The following CSGALNACT1 variants were observed in gnomAD, a reference collection of about 807,000 sequenced individuals.
The protein encoded by CSGALNACT1 is beta4GalNAcT-1.
Under a neutral mutation model 51.0 loss-of-function variants are expected in CSGALNACT1, and 52 were observed. That is an observed-to-expected ratio of 1.02 (90% CI 0.82 to 1.29). The LOEUF is 1.29. CSGALNACT1 is among the 50% of genes most tolerant of loss of function. The pLI, the probability that CSGALNACT1 is intolerant of heterozygous loss-of-function variation, is 0.00. For missense variants in CSGALNACT1, 935 were observed against 679.2 expected, an observed-to-expected ratio of 1.38 and a Z score of -4.19; for synonymous variants, 341 against 254.4, an observed-to-expected ratio of 1.34 and a Z score of -3.24.
chr8:19,467,978 C>T (rs1180188851), intron 4 of CSGALNACT1, among the ~76,000 whole-genome samples: 1 of 152,112 alleles, frequency 6.6e-6, no homozygotes, highest in African/African-American at 2.4e-5. Context: ...AGAGTGAAAC[C>T]CTGTCTCATA....
intron 1 of CSGALNACT1, among the ~76,000 whole-genome samples, chr8:19,627,084 C>T (rs532722764): frequency 1.3e-5 from 2 of 152,200 alleles, no homozygotes; most frequent in African/African-American, 4.8e-5. Context: ...AACATTCTCA[C>T]ATAAAATGTA....
At chr8:19,469,370 G>C (rs1045606183) in intron 4 of CSGALNACT1, among the ~76,000 whole-genome samples, 14 of 152,192 alleles carry the variant, frequency 9.2e-5, no homozygotes, top group African/African-American at 3.4e-4. Flanking sequence ...CAGCCTGGGT[G>C]ACAGAGCAAC....
At chr8:19,683,096 A>C (rs60737109), upstream of CSGALNACT1, 33,465 of 226,656 alleles carry the variant, frequency 0.15, 3,021 homozygotes, top group East Asian at 0.41. Flanking sequence ...GTGCGATCAC[A>C]GGACATAATG....
chr8:19,662,629 C>G (rs866806678), intron 1 of CSGALNACT1, among the ~76,000 whole-genome samples: 10 of 152,174 alleles, frequency 6.6e-5, no homozygotes, highest in African/African-American at 2.2e-4. Context: ...TGATAGGAAA[C>G]CTTTAAATCC....
intron 1 of CSGALNACT1, among the ~76,000 whole-genome samples, chr8:19,676,096 C>G (rs79697801): frequency 8.9e-6 from 1 of 112,432 alleles, no homozygotes; most frequent in African/African-American, 3.6e-5. Context: ...AAAAACAAAA[C>G]AAAACAAAAA....
chr8:19,447,202 G>A (rs546516312), intron 5 of CSGALNACT1, among the ~76,000 whole-genome samples: 8 of 152,204 alleles, frequency 5.3e-5, no homozygotes, highest in Non-Finnish European at 1.0e-4. Context: ...CACCTGCCTG[G>A]TAGTCAGCTC....
At chr8:19,744,566 G>C (rs2064528471) in intron 1 of CSGALNACT1, among the ~76,000 whole-genome samples, 1 of 152,068 alleles carries the variant, frequency 6.6e-6, no homozygotes, top group African/African-American at 2.4e-5. Flanking sequence ...TGCCACAAGA[G>C]TATGAATATA....
intron 1 of CSGALNACT1, among the ~76,000 whole-genome samples, chr8:19,652,373 T>G (rs1437735985): frequency 6.6e-6 from 1 of 152,182 alleles, no homozygotes; most frequent in Non-Finnish European, 1.5e-5. Flanking sequence ...TATGTGACAG[T>G]ATATACAAAT....
chr8:19,686,724 A>T (rs2060998661), upstream of CSGALNACT1, among the ~76,000 whole-genome samples: 4 of 152,208 alleles, frequency 2.6e-5, no homozygotes, highest in Admixed American at 2.0e-4. Context: ...TAGAAGCTGG[A>T]CAGGGAGGGA....
At chr8:19,412,894 G>T (rs1316203538) in intron 8 of CSGALNACT1, among the ~76,000 whole-genome samples, 1 of 152,086 alleles carries the variant, frequency 6.6e-6, no homozygotes, top group African/African-American at 2.4e-5. Flanking sequence ...GCTGCACAGG[G>T]TGCCAGGAGG....
chr8:19,643,325 A>C (rs2056928942), intron 1 of CSGALNACT1, among the ~76,000 whole-genome samples: 1 of 152,198 alleles, frequency 6.6e-6, no homozygotes, highest in Admixed American at 6.5e-5. Context: ...AACATACTAG[A>C]CTTCAATAGA....
chr8:19,701,153 G>GTTTTTGTTT (rs1554812744), intron 1 of CSGALNACT1, among the ~76,000 whole-genome samples: 3 of 93,280 alleles, frequency 3.2e-5, no homozygotes, highest in African/African-American at 4.1e-5. Context: ...TCTATTATCC[G>GTTTTTGTTT]TTTTTTTTTT....
At chr8:19,509,522 T>C (rs2078037390) in intron 3 of CSGALNACT1, among the ~76,000 whole-genome samples, 1 of 148,554 alleles carries the variant, frequency 6.7e-6, no homozygotes, top group East Asian at 2.0e-4. Flanking sequence ...ATGTGGAGGC[T>C]GAGGCACGAG....
chr8:19,656,414 C>T (rs1035462947), intron 1 of CSGALNACT1, among the ~76,000 whole-genome samples: 2 of 152,036 alleles, frequency 1.3e-5, no homozygotes, highest in African/African-American at 4.8e-5. Flanking sequence ...TTCCAGGATG[C>T]TAGTGCCAGA....
At chr8:19,418,824 C>A in intron 7 of CSGALNACT1, 74 bp from the exon 7 acceptor site, 1 of 1,009,022 alleles carries the variant, frequency 9.9e-7, no homozygotes, top group Non-Finnish European at 1.6e-6. Context: ...ACATTTGGCC[C>A]TCTGAAACAC....
At chr8:19,539,481 C>T (rs2084570108) in intron 3 of CSGALNACT1, among the ~76,000 whole-genome samples, 1 of 152,154 alleles carries the variant, frequency 6.6e-6, no homozygotes, top group Admixed American at 6.5e-5. Context: ...ATATAGAAAG[C>T]ACTGAATAAG....
chr8:19,583,485 T>C (rs1261766383), intron 3 of CSGALNACT1, among the ~76,000 whole-genome samples: 1 of 152,176 alleles, frequency 6.6e-6, no homozygotes, highest in Non-Finnish European at 1.5e-5. Context: ...GGCCTATATA[T>C]AGTACCAGAT....
intron 3 of CSGALNACT1, among the ~76,000 whole-genome samples, chr8:19,553,536 T>C (rs115451280): frequency 0.011 from 1,661 of 150,408 alleles, 27 homozygotes; most frequent in African/African-American, 0.039. Flanking sequence ...GCTCAAACAA[T>C]TTATATACAA....
Position 19,679,936 on chromosome 8 carries a change from C to T in CSGALNACT1, c.-544+2537G>A, listed in dbSNP as rs140465319. Among the ~76,000 whole-genome samples, 714 of 152,256 alleles carry T rather than the reference C, an allele frequency of 4.7e-3. 13 individuals carry two copies. Among genetic ancestry groups the T allele is most frequent in the Middle Eastern group, 0.041 (12 of 294 alleles). ...CTGAGCTGGAAGGGGGCCTACATAC[C>T]GGCTTAGAGTAGATTCAATTCATTT... On this transcript the variant is annotated intron_variant, in intron 1 of 9. Transcript: ENST00000332246.
Sources: gnomAD v4.1 joint callset for allele counts (sites outside exome capture counted in the v4.1 genomes callset) on GRCh38, gnomAD v4.1.1 for gene constraint, MANE v1.5 for transcripts, NCBI Gene and HGNC (gene_info 2026-07-23, HGNC 2026-07-21) for gene names.